Variants in FAM200A observed in about 807,000 individuals in gnomAD.
FAM200A encodes protein FAM200A.
FAM200A carries 26 observed loss-of-function variants against 44.2 expected under a neutral mutation model. The observed-to-expected ratio is 0.59, with a 90% CI of 0.43 to 0.82. FAM200A has a LOEUF of 0.82. FAM200A is among the 40% of genes least tolerant of loss of function. FAM200A has a pLI of 0.00. For missense variants in FAM200A, 606 were observed against 669.5 expected (o/e 0.91, Z 1.05); for synonymous variants, 206 against 244.4 (o/e 0.84, Z 1.47).
rs1240371322 is a variant in FAM200A, at chr7:99,551,842, T to G, written c.-100+12A>C. The G allele has an allele frequency of 5.1e-6, 5 of 985,352 alleles. No individual in the cohort carries two copies. The highest frequency in any genetic ancestry group is 6.1e-5 in the Admixed American group (1 of 16,266). The allele number at this position is 985,352 out of a possible 1,614,324, so 61.0% of individuals were successfully genotyped here. ...CTCCAATCCGGAAACCAAAACTTCG[T>G]TCCCTTCCCACCTGTATCCAGGGAC... On this transcript the variant is annotated intron_variant, in intron 1 of 1. Coordinates refer to ENST00000449309, the MANE Select transcript of FAM200A (RefSeq NM_145111.4).
At chr7:99,549,708 A>G (rs566494722) in intron 1 of FAM200A, among the ~76,000 whole-genome samples, 6 of 152,356 alleles carry the variant, frequency 3.9e-5, no homozygotes, top group Non-Finnish European at 7.3e-5. Flanking sequence ...ACCATGGAAT[A>G]CTATGCAGCC....
chr7:99,547,741 T>C lies in FAM200A; in HGVS notation c.667A>G (p.Arg223Gly). The C allele has an allele frequency of 1.9e-6, 3 of 1,551,704 alleles. No homozygotes were observed. The highest frequency in any genetic ancestry group is 2.6e-6 in the Non-Finnish European group (3 of 1,146,974). ...GCTTCTAACAATTTTTCAGTAAGTC[T>C]GCTGTGTTTTCCGGTCATATTTGCT... ...GTANMTGKHS[R>G]LTEKLLEATH... is the part of the protein sequence containing the mutation. Residue 223 changes from arginine to glycine, a missense_variant, in exon 2 of 2, where the codon AGA becomes GGA. By Grantham distance (125) the Arg-to-Gly change is moderately radical. Transcript: ENST00000449309.
intron 1 of FAM200A, among the ~76,000 whole-genome samples, chr7:99,549,066 C>CA (rs1298392918): frequency 4.2e-4 from 3 of 7,186 alleles, no homozygotes; most frequent in African/African-American, 5.8e-4. Context: ...GACGCTGTCT[C>CA]AAAAAAAAAA....
At chr7:99,550,297 T>C (rs1802500338) in intron 1 of FAM200A, among the ~76,000 whole-genome samples, 1 of 151,988 alleles carries the variant, frequency 6.6e-6, no homozygotes, top group East Asian at 1.9e-4. Flanking sequence ...TTTTAGTAGA[T>C]ACGGGGTTTC....
In FAM200A at chr7:99,547,377, A is replaced by C; in HGVS notation, c.1031T>G (p.Leu344Trp). Residue 344 changes from leucine to tryptophan, a missense_variant, in exon 2 of 2, where the codon TTG becomes TGG. By Grantham distance (61) the Leu-to-Trp change is moderately conservative. Coordinates refer to ENST00000449309, the MANE Select transcript of FAM200A (RefSeq NM_145111.4). ...GCCAAAAATATCACTTAAATATGCC[A>C]ATTTTGTTACCCAAATGTCGTCTTC... is the stretch of plus-strand genomic sequence containing the variant. ...IFEDDIWVTKLAYLSDIFGIL... is the reference protein window; with the variant it reads ...IFEDDIWVTKWAYLSDIFGIL... The C allele has an allele frequency of 6.5e-7, 1 of 1,549,818 alleles. No homozygotes were observed.
At chr7:99,558,480 C>G (rs887386123) in exon 1 of FAM200A, 5 of 152,374 alleles carry the variant, frequency 3.3e-5, no homozygotes, top group Non-Finnish European at 7.3e-5. Context: ...GCTGCGAAAA[C>G]GAGCCTTCGA....
At chr7:99,552,418 G>A (rs1562926801), upstream of FAM200A, among the ~76,000 whole-genome samples, 1 of 152,196 alleles carries the variant, frequency 6.6e-6, no homozygotes, top group Non-Finnish European at 1.5e-5. Flanking sequence ...AACGAGGGTG[G>A]AGACAGGAAG....
upstream of FAM200A, among the ~76,000 whole-genome samples, chr7:99,552,824 T>C (rs75662797): frequency 6.6e-6 from 1 of 151,940 alleles, no homozygotes; most frequent in Non-Finnish European, 1.5e-5. Context: ...GGCTACCTGA[T>C]ACAGAGCCTA....
chr7:99,554,745 G>A (rs1230830856), upstream of FAM200A, among the ~76,000 whole-genome samples: 1 of 152,160 alleles, frequency 6.6e-6, no homozygotes. Context: ...GTATGCTTCA[G>A]GGCAACGCGA....
chr7:99,553,051 A>ATATATATATACATATATATACATG (rs1802580733), upstream of FAM200A, among the ~76,000 whole-genome samples: 3 of 104,910 alleles, frequency 2.9e-5, no homozygotes, highest in South Asian at 6.1e-4. Context: ...ATACACACAC[A>ATATATATATACATATATATACATG]TATATATATA....
chr7:99,548,755 G>T (rs1157623285), intron 1 of FAM200A, among the ~76,000 whole-genome samples: 1 of 151,098 alleles, frequency 6.6e-6, no homozygotes, highest in Non-Finnish European at 1.5e-5. Flanking sequence ...TAAAAGTTCA[G>T]AAAGATTAAA....
Position 99,547,768 on chromosome 7 carries a change from T to C in FAM200A, c.640A>G (p.Thr214Ala), listed in dbSNP as rs573373734. ...KHCKGISSDGTANMTGKHSRL... is the reference protein window; with the variant it reads ...KHCKGISSDGAANMTGKHSRL... ...CTGTGTTTTCCGGTCATATTTGCTG[T>C]TCCATCACTTGAAATTCCTTTACAA... The change falls in exon 2 of 2, where the codon ACA (threonine) becomes GCA (alanine). Residue 214 changes from threonine to alanine, a missense_variant. Physicochemically the swap from Thr to Ala is moderately conservative, Grantham distance 58. Coordinates refer to ENST00000449309, the MANE Select transcript of FAM200A (RefSeq NM_145111.4). The C allele has an allele frequency of 1.3e-6, 2 of 1,551,700 alleles. No individual in the cohort carries two copies. The highest frequency in any genetic ancestry group is 4.9e-5 in the East Asian group (2 of 40,914).
chr7:99,549,177 T>TTTTTTTTTTTTTTTTTTTTTTTGTG, intron 1 of FAM200A, among the ~76,000 whole-genome samples: 1 of 147,614 alleles, frequency 6.8e-6, no homozygotes, highest in Middle Eastern at 3.3e-3. Flanking sequence ...TTGTATTTCT[T>TTTTTTTTTTTTTTTTTTTTTTTGTG]AAAAATAAGA....
At chr7:99,550,418 C>G (rs1802503172) in intron 1 of FAM200A, among the ~76,000 whole-genome samples, 1 of 152,204 alleles carries the variant, frequency 6.6e-6, no homozygotes, top group South Asian at 2.1e-4. Context: ...CAACGAACCC[C>G]TTTTCTTTGG....
intron 1 of FAM200A, among the ~76,000 whole-genome samples, chr7:99,557,793 A>G (rs1802745604): frequency 6.6e-6 from 1 of 152,258 alleles, no homozygotes; most frequent in Admixed American, 6.5e-5. Flanking sequence ...GTAACATTAA[A>G]GAACAGCATT....
chr7:99,548,646 G>C lies in FAM200A; in HGVS notation c.-99-140C>G, dbSNP rs568795722. 7.6e-5 allele frequency: 55 copies of C among 720,848 alleles called. No homozygotes were observed. In the African/African-American group the frequency reaches 9.5e-4, roughly 12 times the overall value. 44.7% of individuals were successfully genotyped at this position (720,848 alleles called of 1,614,324 possible). Reference sequence around the variant, plus strand: ...CAACTGTCATTCATGTTGGCTGTGTGTCAGGGAGATTTGGTGTACTATATA... The same window carrying C: ...CAACTGTCATTCATGTTGGCTGTGTCTCAGGGAGATTTGGTGTACTATATA... On this transcript the variant is annotated intron_variant, in intron 1 of 1. Coordinates refer to ENST00000449309, the MANE Select transcript of FAM200A (RefSeq NM_145111.4).
chr7:99,549,706 A>C (rs1266677779), intron 1 of FAM200A, among the ~76,000 whole-genome samples: 2 of 152,238 alleles, frequency 1.3e-5, no homozygotes. Flanking sequence ...ACACCATGGA[A>C]TACTATGCAG....
rs368334730 is a variant in FAM200A, at chr7:99,546,882, A to G, written c.1526T>C (p.Leu509Pro). The G allele has an allele frequency of 3.9e-6, 6 of 1,550,042 alleles. No homozygotes were observed. The highest frequency in any genetic ancestry group is 5.2e-6 in the Non-Finnish European group (6 of 1,146,564). ...TAACAGCAATATACTCTTCCTACTTAGCAGTGGAAAGTCATCTTTAATCTT... is the reference window on the plus strand; with the variant it reads ...TAACAGCAATATACTCTTCCTACTTGGCAGTGGAAAGTCATCTTTAATCTT... ...WIKIKDDFPL[L>P]SRKSILLLLP... Residue 509 changes from leucine (L) to proline (P), a missense_variant, in exon 2 of 2, where the codon CTA becomes CCA. Transcript: ENST00000449309.
chr7:99,547,830 T>C lies in FAM200A; in HGVS notation c.578A>G (p.Asn193Ser). The C allele has an allele frequency of 6.4e-7, 1 of 1,551,334 alleles. No homozygotes were observed. Among genetic ancestry groups the C allele is most frequent in the Non-Finnish European group, 8.7e-7 (1 of 1,146,918 alleles). ...TAATTTATACTGACCAAGAAGGCAGTTTTCTAATTCAGTAAATAAATCTAA... is the reference window on the plus strand; with the variant it reads ...TAATTTATACTGACCAAGAAGGCAGCTTTCTAATTCAGTAAATAAATCTAA... ...TGLDLFTELE[N>S]CLLGQYKLNW... is the part of the protein sequence containing the mutation. Residue 193 changes from asparagine to serine, a missense_variant, in exon 2 of 2, where the codon AAC (asparagine) becomes AGC (serine). Asn to Ser is a conservative substitution (Grantham distance 46). Transcript: ENST00000449309.
Sources: allele counts gnomAD v4.1 joint callset (sites outside exome capture counted in the v4.1 genomes callset), GRCh38; gene constraint gnomAD v4.1.1; transcripts MANE v1.5; gene names NCBI Gene and HGNC (gene_info 2026-07-23, HGNC 2026-07-21).